Variants in USP31 observed in about 807,000 individuals in gnomAD.
USP31 encodes ubiquitin carboxyl-terminal hydrolase 31.
USP31 carries 44 observed loss-of-function variants against 119.4 expected under a neutral mutation model. The observed-to-expected ratio is 0.37, with a 90% confidence interval of 0.29 to 0.47. USP31 has a LOEUF of 0.47. Ranked by LOEUF, USP31 falls within the 20% of genes least tolerant of loss-of-function variation. The pLI, the probability that USP31 is intolerant of heterozygous loss-of-function variation, is 0.99. For missense variants in USP31, 1,643 were observed against 1,730.2 expected, an observed-to-expected ratio of 0.95 and a Z score of 0.89; for synonymous variants, 749 against 705.6, an observed-to-expected ratio of 1.06 and a Z score of -0.97.
Position 23,108,279 on chromosome 16 carries a change from A to C in USP31, c.634-96T>G. ...ATCGCAAAAGGGATGCAAGATCTCA[A>C]GGGTGTTAGAGAATACTTCCCAGAA... On this transcript the variant is annotated intron_variant, in intron 1 of 15. Coordinates refer to ENST00000219689, the MANE Select transcript of USP31 (RefSeq NM_020718.4). 2.7e-6 allele frequency: 4 copies of C among 1,475,070 alleles called. 1 individual carries two copies. The South Asian group carries it at 5.7e-5, about 21-fold the overall frequency. The allele number at this position is 1,475,070 out of a possible 1,614,324, so 91.4% of individuals were successfully genotyped here.
At chr16:23,135,552 T>C (rs937052730) in intron 1 of USP31, among the ~76,000 whole-genome samples, 7 of 151,042 alleles carry the variant, frequency 4.6e-5, no homozygotes, top group Non-Finnish European at 8.9e-5. Context: ...TAATGAACAA[T>C]CCAAAAATAA....
chr16:23,101,123 T>C (rs1044697977), intron 6 of USP31, among the ~76,000 whole-genome samples: 7 of 152,268 alleles, frequency 4.6e-5, no homozygotes, highest in African/African-American at 1.4e-4. Flanking sequence ...AGAATAAGTC[T>C]GTGGAGAAAT....
chr16:23,140,355 G>A (rs1279708426), intron 1 of USP31, among the ~76,000 whole-genome samples: 2 of 152,138 alleles, frequency 1.3e-5, no homozygotes, highest in South Asian at 2.1e-4. Flanking sequence ...GTAGGGGGGA[G>A]TACAACCACA....
At chr16:23,106,618 G>T in intron 2 of USP31, 131 bp from the exon 3 acceptor site, 1 of 901,482 alleles carries the variant, frequency 1.1e-6, no homozygotes, top group Non-Finnish European at 1.7e-6. Flanking sequence ...CTTCAGTGAC[G>T]GGCACCTGCT....
Position 23,149,063 on chromosome 16 carries a change from T to C in USP31, c.208A>G (p.Lys70Glu). 1 of 1,263,058 alleles carries C rather than the reference T, an allele frequency of 7.9e-7. No homozygotes were observed. The highest frequency in any genetic ancestry group is 1.9e-5 in the South Asian group (1 of 51,800). The allele number at this position is 1,263,058 out of a possible 1,614,324, so 78.2% of individuals were successfully genotyped here. A position where few individuals can be genotyped will look rare whatever the true frequency, so the allele number is the denominator to read the frequency against. The change falls in exon 1 of 16, where the codon AAG becomes GAG. Residue 70 changes from lysine (K) to glutamate (E), a missense_variant. By Grantham distance (56) the Lys-to-Glu change is moderately conservative (BLOSUM62 1). Around this residue, in one of 5 missense-constraint regions of USP31, gnomAD observed 302 missense variants for 262.6 expected, o/e 1.15. Transcript: ENST00000219689. ...AGGTGCGAGAGCGTGGACAGCGTCT[T>C]GAGAACGCGGCTCATGAAGCTGCCC... Reference protein sequence around the residue: ...SVGSFMSRVLKTLSTLSHLSS... With the variant: ...SVGSFMSRVLETLSTLSHLSS...
chr16:23,147,116 T>G (rs1024445804), intron 1 of USP31, among the ~76,000 whole-genome samples: 1 of 151,924 alleles, frequency 6.6e-6, no homozygotes, highest in Non-Finnish European at 1.5e-5. Context: ...TGTTTTTGTT[T>G]TGTTTTGTTT....
intron 1 of USP31, among the ~76,000 whole-genome samples, chr16:23,138,268 T>C (rs144140630): frequency 1.1e-3 from 169 of 152,306 alleles, no homozygotes; most frequent in African/African-American, 3.9e-3. Context: ...CTACCAAATA[T>C]TTCCCCTCAT....
rs144235518 is a variant in USP31, at chr16:23,068,243, T to C, written c.3862A>G (p.Thr1288Ala). Reference sequence around the variant, plus strand: ...TTGGTGACAAGCTGCTCTTTTCCCGTTGTATTTGCATTTGGCTGCTGGGAA... The same window carrying C: ...TTGGTGACAAGCTGCTCTTTTCCCGCTGTATTTGCATTTGGCTGCTGGGAA... ...PASQQPNANT[T>A]GKEQLVTKDP... Residue 1288 changes from threonine to alanine, a missense_variant, in exon 16 of 16, where the codon ACG becomes GCG. Thr to Ala is a moderately conservative substitution (Grantham distance 58). Around this residue, in one of 5 missense-constraint regions of USP31, gnomAD observed 699 missense variants for 650.9 expected, o/e 1.07. Coordinates refer to ENST00000219689, the MANE Select transcript of USP31 (RefSeq NM_020718.4). 39 of 1,614,064 alleles carry C rather than the reference T, an allele frequency of 2.4e-5. No homozygotes were observed. The South Asian group carries it at 3.5e-4, about 15-fold the overall frequency.
chr16:23,082,314 CAT>C, intron 12 of USP31, 122 bp downstream of exon 12: 1 of 1,286,118 alleles, frequency 7.8e-7, no homozygotes, highest in Non-Finnish European at 1.1e-6. Context: ...GTGTCTATAA[CAT>C]ACACAGACAG....
chr16:23,119,798 T>C (rs1318814750), intron 1 of USP31, among the ~76,000 whole-genome samples: 1 of 152,244 alleles, frequency 6.6e-6, no homozygotes, highest in African/African-American at 2.4e-5. Context: ...AACTATGTCC[T>C]GCCCAAGTGT....
intron 13 of USP31, among the ~76,000 whole-genome samples, chr16:23,074,838 G>A (rs1323223315): frequency 6.6e-6 from 1 of 152,210 alleles, no homozygotes; most frequent in African/African-American, 2.4e-5. Context: ...ATATCAAAGG[G>A]TGTTATAAGC....
intron 6 of USP31, among the ~76,000 whole-genome samples, chr16:23,097,816 C>T (rs975382079): frequency 2.0e-5 from 3 of 152,154 alleles, no homozygotes; most frequent in East Asian, 1.9e-4. Flanking sequence ...ATTGATGGAA[C>T]GTGTATCAAA....
chr16:23,146,780 T>C, intron 1 of USP31, among the ~76,000 whole-genome samples: 1 of 152,152 alleles, frequency 6.6e-6, no homozygotes, highest in East Asian at 1.9e-4. Context: ...GATGACCTTT[T>C]CATATTTTAA....
At chr16:23,139,924 C>G (rs949001918) in intron 1 of USP31, among the ~76,000 whole-genome samples, 2 of 152,084 alleles carry the variant, frequency 1.3e-5, no homozygotes, top group African/African-American at 4.8e-5. Flanking sequence ...CCTCAGTATT[C>G]CCTTTACCAC....
chr16:23,106,633 G>A, intron 2 of USP31, 146 bp from the exon 3 acceptor site: 2 of 784,084 alleles, frequency 2.6e-6, no homozygotes, highest in Non-Finnish European at 4.0e-6. Context: ...CCTGCTAAAG[G>A]AGCCAGAACA....
intron 1 of USP31, among the ~76,000 whole-genome samples, chr16:23,123,598 A>G (rs35415201): frequency 0.23 from 34,578 of 152,144 alleles, 4,758 homozygotes; most frequent in Admixed American, 0.31. Context: ...AAGGAAAAAC[A>G]CTAAAGTTTC....
intron 1 of USP31, among the ~76,000 whole-genome samples, chr16:23,111,248 C>G (rs914480415): frequency 1.3e-5 from 2 of 152,050 alleles, no homozygotes; most frequent in African/African-American, 4.8e-5. Flanking sequence ...TAATGACAGT[C>G]TAAGCTAAAG....
chr16:23,131,960 A>G (rs1404232528), intron 1 of USP31, among the ~76,000 whole-genome samples: 7 of 152,244 alleles, frequency 4.6e-5, no homozygotes, highest in Non-Finnish European at 4.4e-5. Flanking sequence ...GACCAGTCCT[A>G]TGAAATCTTC....
At chr16:23,075,427 C>A (rs990572924) in intron 13 of USP31, among the ~76,000 whole-genome samples, 1 of 152,156 alleles carries the variant, frequency 6.6e-6, no homozygotes, top group Admixed American at 6.5e-5. Flanking sequence ...GACAGCACAG[C>A]AAACTCATTA....
Sources: gnomAD v4.1 joint callset for allele counts (sites outside exome capture counted in the v4.1 genomes callset) on GRCh38, gnomAD v4.1.1 for gene constraint, gnomAD v4.1.1 regional missense constraint, MANE v1.5 for transcripts, NCBI Gene and HGNC (gene_info 2026-07-23, HGNC 2026-07-21) for gene names.